NRK: variants seen among roughly 807,000 people sequenced by gnomAD.
The protein encoded by NRK is nik-related protein kinase.
Under a neutral mutation model 125.2 loss-of-function variants are expected in NRK, and 67 were observed. The observed-to-expected ratio is 0.54, with a 90% CI of 0.44 to 0.66. NRK has a LOEUF of 0.66. Among genes scored for constraint, NRK ranks in the 30% least tolerant of loss-of-function variants. The pLI, the probability that NRK is intolerant of heterozygous loss-of-function variation, is 0.00. For missense variants in NRK, 1,224 were observed against 1,192.9 expected (o/e 1.03, Z -0.38); for synonymous variants, 458 against 429.0 (o/e 1.07, Z -0.84).
At chrX:105,864,844 C>G (rs2147685019) in intron 2 of NRK, among the ~76,000 whole-genome samples, 1 of 110,816 alleles carries the variant, frequency 9.0e-6, no homozygotes, top group South Asian at 3.9e-4. Flanking sequence ...GGGGAATAAA[C>G]TTTTCTCTTC....
intron 3 of NRK, among the ~76,000 whole-genome samples, chrX:105,881,116 T>G (rs1462224757): frequency 9.0e-6 from 1 of 110,608 alleles, no homozygotes; most frequent in Non-Finnish European, 1.9e-5. Context: ...TCCCAGAACT[T>G]AAAGTATAAT....
At chrX:105,876,374 T>C (rs979112354) in intron 2 of NRK, among the ~76,000 whole-genome samples, 1 of 111,238 alleles carries the variant, frequency 9.0e-6, no homozygotes, top group Non-Finnish European at 1.9e-5. Flanking sequence ...ACCACCTTGT[T>C]ATAAACCATA....
chrX:105,833,705 A>G (rs1372860603), intron 2 of NRK, among the ~76,000 whole-genome samples: 1 of 111,507 alleles, frequency 9.0e-6, no homozygotes. Context: ...GATATAATAT[A>G]TATTTGGTAA....
In NRK at chrX:105,881,755, A is replaced by G; in HGVS notation, c.228A>G (p.Gln76=). 1 of 1,141,833 alleles carries G rather than the reference A, an allele frequency of 8.8e-7. No individual in the cohort carries two copies. The highest frequency in any genetic ancestry group is 1.8e-5 in the African/African-American group (1 of 55,945). 94.1% of individuals were successfully genotyped at this position (1,141,833 alleles called of 1,213,427 possible). A position where few individuals can be genotyped will look rare whatever the true frequency, so the allele number is the denominator to read the frequency against. The change falls in exon 4 of 29, where the codon CAA becomes CAG. Residue 76 remains glutamine (Q), a synonymous_variant. Coordinates refer to ENST00000243300, the MANE Select transcript of NRK (RefSeq NM_198465.4). The part of the protein sequence containing the change: ...IGRRVRVNKY[Q]KSVGWRYSDE... ...GGCGAGTGAGAGTGAATAAATATCA[A>G]AAATCTGTTGGGTGGAGATACAGTG...
At chrX:105,834,800 G>A (rs984155506) in intron 2 of NRK, among the ~76,000 whole-genome samples, 2 of 109,693 alleles carry the variant, frequency 1.8e-5, no homozygotes, top group African/African-American at 6.6e-5. Context: ...GCTGTTTCAA[G>A]TCTACTTATG....
At position 105,923,913 on chromosome X, in the gene NRK, ATATATATATATATG is replaced by A. The variant is rs1465993810; in HGVS notation, c.2975+433_2975+446del. Among the ~76,000 whole-genome samples the A allele has an allele frequency of 2.9e-3, 258 of 89,599 alleles. 2 individuals carry two copies. Among genetic ancestry groups the A allele is most frequent in the African/African-American group, 0.011 (241 of 21,729 alleles). The allele number at this position is 89,599 out of a possible 115,157, so 77.8% of individuals were successfully genotyped here. The stretch of plus-strand genomic sequence containing the variant: ...TCACTATATATATATATATATATAT[ATATATATATATATG>A]TGAAATTTAAGATGATCTTTATCTG... On this transcript the variant is annotated intron_variant, in intron 18 of 28. Transcript: ENST00000243300.
chrX:105,831,232 G>T (rs2039187454), intron 2 of NRK, 113 bp downstream of exon 2: 2 of 494,557 alleles, frequency 4.0e-6, no homozygotes, highest in Non-Finnish European at 6.8e-6. Flanking sequence ...CTTTGAGAGA[G>T]AAATCAAATT....
chrX:105,913,803 T>A (rs929243401), intron 14 of NRK, among the ~76,000 whole-genome samples: 1 of 111,462 alleles, frequency 9.0e-6, no homozygotes, highest in South Asian at 3.7e-4. Context: ...TGGTCTGGAA[T>A]GCAGTTTGTG....
At chrX:105,860,974 A>G (rs1403280128) in intron 2 of NRK, among the ~76,000 whole-genome samples, 3 of 110,655 alleles carry the variant, frequency 2.7e-5, no homozygotes, top group Admixed American at 9.7e-5. Context: ...GATCTTTTCA[A>G]TCCTATTGGG....
At chrX:105,866,014 C>CAAAAAAAAAAAAA (rs113129723) in intron 2 of NRK, among the ~76,000 whole-genome samples, 1 of 76,019 alleles carries the variant, frequency 1.3e-5, no homozygotes, top group African/African-American at 4.6e-5. Context: ...CAAAACAAAG[C>CAAAAAAAAAAAAA]AAAAAAAAAA....
intron 2 of NRK, among the ~76,000 whole-genome samples, chrX:105,843,246 A>G (rs775970319): frequency 2.8e-4 from 32 of 112,526 alleles, no homozygotes; most frequent in African/African-American, 1.0e-3. Context: ...AGTAGATGTT[A>G]TGAGAAACAT....
chrX:105,911,363 T>C (rs2040299471), intron 13 of NRK, among the ~76,000 whole-genome samples: 1 of 111,870 alleles, frequency 8.9e-6, no homozygotes, highest in South Asian at 3.7e-4. Context: ...GCAGTTGTTT[T>C]CTAATACTCC....
intron 2 of NRK, among the ~76,000 whole-genome samples, chrX:105,863,357 C>CACACAT (rs372176349): frequency 0.034 from 3,586 of 106,468 alleles, 156 homozygotes; most frequent in African/African-American, 0.1. Flanking sequence ...CACACACACA[C>CACACAT]ATACTATTTT....
chrX:105,888,418 G>T lies in NRK; in HGVS notation c.377G>T (p.Trp126Leu). 1 of 1,185,682 alleles carries T rather than the reference G, an allele frequency of 8.4e-7. No homozygotes were observed. Among genetic ancestry groups the T allele is most frequent in the Non-Finnish European group, 1.1e-6 (1 of 880,913 alleles). ...LSPPGQRHQL[W>L]MVMELCAAGS... Reference sequence around the variant, plus strand: ...CCCCCTGGTCAGCGGCACCAACTTTGGGTATGTTTTTAATTACACTGTTCT... The same window carrying T: ...CCCCCTGGTCAGCGGCACCAACTTTTGGTATGTTTTTAATTACACTGTTCT... Residue 126 changes from tryptophan to leucine, a missense_variant and splice_region_variant, in exon 5 of 29, where the codon TGG becomes TTG. Physicochemically the swap from Trp to Leu is moderately conservative, Grantham distance 61. Transcript: ENST00000243300.
rs2040633630 is a variant in NRK, at chrX:105,934,331, G to A, written c.3386G>A (p.Ser1129Asn). The A allele has an allele frequency of 1.7e-6, 2 of 1,191,439 alleles. No homozygotes were observed. The highest frequency in any genetic ancestry group is 2.3e-6 in the Non-Finnish European group (2 of 878,277). ...GAAPSAPDHE[S>N]DNKDISESST... ...GCACCGTCAGCACCTGATCATGAGA[G>A]TGACAATAAGGACATATCAGAATCA... The change falls in exon 20 of 29, where the codon AGT (serine) becomes AAT (asparagine). Residue 1129 changes from serine (S) to asparagine (N), a missense_variant. Transcript: ENST00000243300.
chrX:105,951,387 C>G (rs2040896074), intron 27 of NRK, among the ~76,000 whole-genome samples: 1 of 111,116 alleles, frequency 9.0e-6, no homozygotes. Flanking sequence ...CAAAAAAAAG[C>G]TACTTTAAGT....
intron 23 of NRK, among the ~76,000 whole-genome samples, chrX:105,943,188 A>T (rs187187003): frequency 1.8e-5 from 2 of 111,517 alleles, no homozygotes; most frequent in East Asian, 5.7e-4. Flanking sequence ...TAGGTGTTTG[A>T]TCAATTTTGA....
intron 12 of NRK, among the ~76,000 whole-genome samples, 168 bp from the exon 13 acceptor site, chrX:105,908,559 T>C (rs1180038047): frequency 8.9e-6 from 1 of 112,524 alleles, no homozygotes; most frequent in Non-Finnish European, 1.9e-5. Flanking sequence ...AATACAAATG[T>C]TACCTGCAGA....
rs752680042 is a variant in NRK, at chrX:105,895,289, G to T, written c.490-144G>T. 5.5e-6 allele frequency: 3 copies of T among 544,702 alleles called. No homozygotes were observed. The African/African-American group carries it at 6.9e-5, about 12-fold the overall frequency. The allele number at this position is 544,702 out of a possible 1,213,427, so 44.9% of individuals were successfully genotyped here. A position where few individuals can be genotyped will look rare whatever the true frequency, so the allele number is the denominator to read the frequency against. ...TTGTAGTGATTCCAGCCTAAAGAAA[G>T]AATTGTGTCTGAAACATCAAAATTA... On this transcript the variant is annotated intron_variant, in intron 6 of 28. Transcript: ENST00000243300.
Sources: gnomAD v4.1 joint callset for allele counts (sites outside exome capture counted in the v4.1 genomes callset) on GRCh38, gnomAD v4.1.1 for gene constraint, MANE v1.5 for transcripts, NCBI Gene and HGNC (gene_info 2026-07-23, HGNC 2026-07-21) for gene names.